The following MTM1 variants were observed in gnomAD, a reference collection of about 807,000 sequenced individuals.
MTM1 encodes myotubularin 1.
In MTM1, 9 loss-of-function variants were observed where a neutral mutation model predicts 52.1. The observed-to-expected ratio is 0.17, with a 90% confidence interval of 0.10 to 0.30. MTM1 has a LOEUF of 0.30. Among genes scored for constraint, MTM1 ranks in the 10% least tolerant of loss-of-function variants. MTM1 has a pLI of 1.00. For missense variants in MTM1, 277 were observed against 470.7 expected (o/e 0.59, Z 3.81); for synonymous variants, 136 against 163.8 (o/e 0.83, Z 1.29).
At chrX:150,620,059 A>G (rs1311260994) in intron 6 of MTM1, among the ~76,000 whole-genome samples, 2 of 111,883 alleles carry the variant, frequency 1.8e-5, no homozygotes. Context: ...AAATATGTCT[A>G]TATTAGAGTT....
intron 6 of MTM1, among the ~76,000 whole-genome samples, chrX:150,624,102 C>T (rs953561999): frequency 1.8e-5 from 2 of 111,501 alleles, no homozygotes; most frequent in Admixed American, 9.5e-5. Context: ...TTTCAAGTCA[C>T]GACTTAACAC....
intron 1 of MTM1, among the ~76,000 whole-genome samples, chrX:150,582,895 A>T (rs1264381811): frequency 9.5e-6 from 1 of 104,934 alleles, no homozygotes; most frequent in Non-Finnish European, 1.9e-5. Context: ...ACACCAATAG[A>T]CTGCCCATCT....
At chrX:150,647,097 C>T (rs1557414008) in intron 9 of MTM1, among the ~76,000 whole-genome samples, 1 of 108,837 alleles carries the variant, frequency 9.2e-6, no homozygotes, top group East Asian at 2.8e-4. Context: ...GTAAGTGAAA[C>T]ACTCAGGAAA....
intron 4 of MTM1, among the ~76,000 whole-genome samples, chrX:150,604,192 C>T (rs1557412789): frequency 1.8e-5 from 2 of 111,668 alleles, no homozygotes; most frequent in African/African-American, 3.3e-5. Context: ...GCTTCCAGGC[C>T]TCAGCAAGCT....
chrX:150,625,333 G>A (rs781898600), intron 6 of MTM1, among the ~76,000 whole-genome samples: 2 of 111,933 alleles, frequency 1.8e-5, no homozygotes, highest in South Asian at 7.4e-4. Context: ...TTAGTGTGCC[G>A]TTTTCCCAGC....
upstream of MTM1, among the ~76,000 whole-genome samples, chrX:150,565,846 T>C (rs1431240565): frequency 2.7e-5 from 3 of 111,469 alleles, no homozygotes; most frequent in Non-Finnish European, 3.8e-5. Flanking sequence ...AGAAGGGTTG[T>C]GGAAGAAGCA....
chrX:150,587,974 C>T (rs2038819461), intron 1 of MTM1, among the ~76,000 whole-genome samples: 1 of 111,406 alleles, frequency 9.0e-6, no homozygotes, highest in South Asian at 3.7e-4. Context: ...TTCATTTCAG[C>T]CTAGCAAAGG....
chrX:150,587,808 C>T (rs2038816592), intron 1 of MTM1, among the ~76,000 whole-genome samples: 1 of 111,509 alleles, frequency 9.0e-6, no homozygotes, highest in South Asian at 3.7e-4. Flanking sequence ...CCCCTAGAGG[C>T]CAAATTGGAA....
At chrX:150,578,248 A>T (rs782097375) in intron 1 of MTM1, among the ~76,000 whole-genome samples, 1 of 112,136 alleles carries the variant, frequency 8.9e-6, no homozygotes, top group South Asian at 3.7e-4. Flanking sequence ...GTCTCTAGGA[A>T]CTAAAAGCTG....
In MTM1 at chrX:150,671,468, C is replaced by G; in HGVS notation, c.1685C>G (p.Ala562Gly). The G allele has an allele frequency of 8.3e-7, 1 of 1,210,837 alleles. No homozygotes were observed. The change falls in exon 15 of 15, where the codon GCC (alanine) becomes GGC (glycine). Residue 562 changes from alanine (A) to glycine (G), a missense_variant. By Grantham distance (60) the Ala-to-Gly change is moderately conservative. Transcript: ENST00000370396. Reference protein sequence around the residue: ...PVEQRYMELLALRDEYIKRLE... With the variant: ...PVEQRYMELLGLRDEYIKRLE... The stretch of plus-strand genomic sequence containing the variant: ...GAGCAGCGTTACATGGAGCTCTTAG[C>G]CTTACGCGACGAATACATAAAGCGG...
intron 6 of MTM1, among the ~76,000 whole-genome samples, chrX:150,634,380 G>A (rs2039721341): frequency 8.9e-6 from 1 of 111,844 alleles, no homozygotes; most frequent in African/African-American, 3.3e-5. Context: ...TAAAAATAAT[G>A]GCTAATTAAG....
At chrX:150,570,378 C>T (rs1161886844) in intron 1 of MTM1, among the ~76,000 whole-genome samples, 2 of 111,634 alleles carry the variant, frequency 1.8e-5, no homozygotes, top group Non-Finnish European at 3.8e-5. Flanking sequence ...TTTTAGATTG[C>T]CAGCTGCTGC....
chrX:150,627,478 G>GT lies in MTM1; in HGVS notation c.444+8346dup, dbSNP rs2039590475. Among the ~76,000 whole-genome samples the GT allele has an allele frequency of 2.7e-5, 3 of 111,196 alleles. No individual in the cohort carries two copies. The South Asian group carries it at 1.1e-3, about 42-fold the overall frequency. ...TGTTTGCTAAAATTTCCATTGTTAT[G>GT]TTTTTTTAATTATAAAAGTTCTATT... On this transcript the variant is annotated intron_variant, in intron 6 of 14. Coordinates refer to ENST00000370396, the MANE Select transcript of MTM1 (RefSeq NM_000252.3).
chrX:150,613,815 C>T (rs782704140), intron 4 of MTM1, among the ~76,000 whole-genome samples: 2 of 111,982 alleles, frequency 1.8e-5, no homozygotes, highest in Non-Finnish European at 3.8e-5. Context: ...ACTTGACTAA[C>T]ATGATTCCAT....
At chrX:150,617,143 A>G (rs186305273) in intron 5 of MTM1, among the ~76,000 whole-genome samples, 1 of 113,045 alleles carries the variant, frequency 8.8e-6, no homozygotes, top group Non-Finnish European at 1.9e-5. Flanking sequence ...TCAGATGGCA[A>G]AAAGAAGTTA....
intron 1 of MTM1, among the ~76,000 whole-genome samples, chrX:150,583,905 T>TTAA (rs1557412119): frequency 0.023 from 1,257 of 55,720 alleles, 114 homozygotes; most frequent in African/African-American, 0.049. Flanking sequence ...TTGATATATA[T>TTAA]ATATATAATA....
intron 1 of MTM1, among the ~76,000 whole-genome samples, chrX:150,571,697 T>C (rs1464928044): frequency 8.9e-6 from 1 of 112,587 alleles, no homozygotes; most frequent in Non-Finnish European, 1.9e-5. Context: ...TGCATTTCCT[T>C]GTTGGCACGA....
At chrX:150,645,602 G>C in intron 8 of MTM1, 81 bp from the exon 9 acceptor site, 4 of 915,548 alleles carry the variant, frequency 4.4e-6, no homozygotes, top group Non-Finnish European at 6.4e-6. Flanking sequence ...ATAACCGTCA[G>C]TGCTTTACTG....
intron 10 of MTM1, among the ~76,000 whole-genome samples, chrX:150,652,250 C>A (rs898583756): frequency 9.0e-6 from 1 of 110,508 alleles, no homozygotes; most frequent in Non-Finnish European, 1.9e-5. Flanking sequence ...CATGGTGGCT[C>A]ATGCCTGTAG....
Sources: allele counts gnomAD v4.1 joint callset (sites outside exome capture counted in the v4.1 genomes callset), GRCh38; gene constraint gnomAD v4.1.1; transcripts MANE v1.5; gene names NCBI Gene and HGNC (gene_info 2026-07-23, HGNC 2026-07-21).